The following ATP6V0E1 variants were observed in gnomAD, a reference collection of about 807,000 sequenced individuals.
ATP6V0E1 encodes V-type proton ATPase subunit e 1.
Under a neutral mutation model 11.6 loss-of-function variants are expected in ATP6V0E1, and 4 were observed. The observed-to-expected ratio is 0.35, with a 90% CI of 0.17 to 0.79. ATP6V0E1 has a LOEUF of 0.79. Among genes scored for constraint, ATP6V0E1 ranks in the 30% least tolerant of loss-of-function variants. The pLI is 0.54. For synonymous variants in ATP6V0E1, 36 were observed against 34.8 expected, an observed-to-expected ratio of 1.04 and a Z score of -0.13; for missense variants, 105 against 100.0, an observed-to-expected ratio of 1.05 and a Z score of -0.21.
intron 2 of ATP6V0E1, among the ~76,000 whole-genome samples, chr5:173,007,385 A>G (rs1017073678): frequency 3.2e-4 from 49 of 152,106 alleles, no homozygotes; most frequent in African/African-American, 1.1e-3. Flanking sequence ...CTTGCTGGCT[A>G]TTAGTTGGGA....
chr5:173,013,346 C>A (rs948629513), intron 2 of ATP6V0E1, among the ~76,000 whole-genome samples: 17 of 152,058 alleles, frequency 1.1e-4, no homozygotes, highest in African/African-American at 3.9e-4. Flanking sequence ...GAGGCCGAGG[C>A]GGGTGAATCA....
rs1363050166 is a variant in ATP6V0E1, at chr5:173,035,097, G to C, written c.*735G>C. On this transcript the variant is annotated 3_prime_UTR_variant, in exon 4 of 4. Coordinates refer to ENST00000519374, the MANE Select transcript of ATP6V0E1 (RefSeq NM_003945.4). ...GCCTACTGCAGCCAAGGCACTGGAGGGATCAAAGATGTGTAAATTTGGAGT... is the reference window on the plus strand; with the variant it reads ...GCCTACTGCAGCCAAGGCACTGGAGCGATCAAAGATGTGTAAATTTGGAGT... The C allele has an allele frequency of 6.6e-6, 1 of 152,294 alleles. No homozygotes were observed. Among genetic ancestry groups the C allele is most frequent in the Non-Finnish European group, 1.5e-5 (1 of 68,176 alleles). 9.4% of individuals were successfully genotyped at this position (152,294 alleles called of 1,614,324 possible). A position where few individuals can be genotyped will look rare whatever the true frequency, so the allele number is the denominator to read the frequency against.
intron 2 of ATP6V0E1, among the ~76,000 whole-genome samples, chr5:173,010,508 T>C (rs1420802341): frequency 6.6e-6 from 1 of 152,234 alleles, no homozygotes; most frequent in Non-Finnish European, 1.5e-5. Flanking sequence ...TGGATTCAGT[T>C]CACCGATATT....
chr5:172,999,324 T>A (rs1756118099), intron 2 of ATP6V0E1, among the ~76,000 whole-genome samples: 1 of 149,900 alleles, frequency 6.7e-6, no homozygotes, highest in South Asian at 2.1e-4. Context: ...TATTTCCACT[T>A]TTTTTTTTTT....
chr5:173,014,550 T>G (rs1181224190), intron 2 of ATP6V0E1, among the ~76,000 whole-genome samples: 1 of 152,142 alleles, frequency 6.6e-6, no homozygotes, highest in African/African-American at 2.4e-5. Context: ...AAAAAAAGAA[T>G]GAAATCATGT....
At chr5:173,030,441 G>GTTTTTTT (rs60654421) in intron 3 of ATP6V0E1, among the ~76,000 whole-genome samples, 8 of 127,556 alleles carry the variant, frequency 6.3e-5, no homozygotes, top group Non-Finnish European at 6.7e-5. Flanking sequence ...TCAGTTTTTT[G>GTTTTTTT]TTTTTTTTTT....
At position 173,020,347 on chromosome 5, in the gene ATP6V0E1, C is replaced by T; in HGVS notation, c.*16C>T. On this transcript the variant is annotated 3_prime_UTR_variant, in exon 3 of 4. Transcript: ENST00000519374. ...TTGGCCTTGAGGAAGAAGACATGCT[C>T]TACAGTGCTCAGTCTTTGAGGTGAC... 2 of 1,575,738 alleles carry T rather than the reference C, an allele frequency of 1.3e-6. No homozygotes were observed. Among genetic ancestry groups the T allele is most frequent in the Non-Finnish European group, 1.7e-6 (2 of 1,145,168 alleles).
At chr5:173,017,613 T>C (rs1425494947) in intron 2 of ATP6V0E1, among the ~76,000 whole-genome samples, 2 of 146,534 alleles carry the variant, frequency 1.4e-5, no homozygotes, top group African/African-American at 5.1e-5. Flanking sequence ...GAGGCCAAGG[T>C]GGGCGGATCA....
chr5:173,024,212 A>G (rs2113611401), intron 3 of ATP6V0E1, among the ~76,000 whole-genome samples: 1 of 151,750 alleles, frequency 6.6e-6, no homozygotes, highest in South Asian at 2.1e-4. Context: ...AAAAAAAAAA[A>G]AAAAGAAAGA....
chr5:173,019,587 C>T (rs575366340), intron 2 of ATP6V0E1, among the ~76,000 whole-genome samples: 120 of 151,948 alleles, frequency 7.9e-4, no homozygotes, highest in African/African-American at 2.2e-3. Flanking sequence ...AGATGTGACA[C>T]CATTTTACTT....
At chr5:173,005,477 G>C (rs1756215634) in intron 2 of ATP6V0E1, among the ~76,000 whole-genome samples, 1 of 152,202 alleles carries the variant, frequency 6.6e-6, no homozygotes, top group African/African-American at 2.4e-5. Context: ...GCCTCCCAAA[G>C]TGCTAGCATT....
chr5:173,033,401 GAGGCTGTTCT>G, intron 3 of ATP6V0E1, among the ~76,000 whole-genome samples: 1 of 152,240 alleles, frequency 6.6e-6, no homozygotes, highest in Middle Eastern at 3.4e-3. Flanking sequence ...CTTGTACAAA[GAGGCTGTTCT>G]GCTGGCCTAA....
chr5:173,021,115 A>T (rs959905793), intron 3 of ATP6V0E1, among the ~76,000 whole-genome samples: 3 of 152,058 alleles, frequency 2.0e-5, no homozygotes, highest in African/African-American at 7.2e-5. Flanking sequence ...GTTTTTACTT[A>T]TGGCAGAAAG....
At chr5:173,027,022 CA>C (rs1473365977) in intron 3 of ATP6V0E1, among the ~76,000 whole-genome samples, 6 of 141,234 alleles carry the variant, frequency 4.2e-5, no homozygotes, top group Admixed American at 7.1e-5. Flanking sequence ...TAAAAAAATA[CA>C]AAAAAATTAG....
intron 2 of ATP6V0E1, among the ~76,000 whole-genome samples, chr5:173,003,248 T>TG (rs1756185719): frequency 6.6e-6 from 1 of 151,730 alleles, no homozygotes; most frequent in African/African-American, 2.4e-5. Context: ...AACAAGTGGA[T>TG]GGGGGAAACT....
intron 2 of ATP6V0E1, among the ~76,000 whole-genome samples, chr5:173,016,567 A>G (rs910700566): frequency 6.6e-6 from 1 of 152,178 alleles, no homozygotes; most frequent in Non-Finnish European, 1.5e-5. Context: ...ACAAAAGGAG[A>G]TAGGGGCTAG....
intron 2 of ATP6V0E1, among the ~76,000 whole-genome samples, chr5:173,013,574 C>CAAAAAAAAAA (rs35084966): frequency 1.6e-5 from 1 of 61,638 alleles, no homozygotes. Flanking sequence ...GACTCCATCT[C>CAAAAAAAAAA]AAAAAAAAAA....
intron 3 of ATP6V0E1, among the ~76,000 whole-genome samples, chr5:173,026,077 AC>A (rs1209927799): frequency 1.3e-5 from 2 of 151,832 alleles, no homozygotes; most frequent in African/African-American, 4.8e-5. Flanking sequence ...GCTCACTGCA[AC>A]CTCCGCTTCC....
chr5:173,017,651 G>C (rs1228931011), intron 2 of ATP6V0E1, among the ~76,000 whole-genome samples: 1 of 151,896 alleles, frequency 6.6e-6, no homozygotes, highest in Non-Finnish European at 1.5e-5. Context: ...CACCAGCCTG[G>C]CCAACATAGT....
Sources: gnomAD v4.1 joint callset for allele counts (sites outside exome capture counted in the v4.1 genomes callset) on GRCh38, gnomAD v4.1.1 for gene constraint, MANE v1.5 for transcripts, NCBI Gene and HGNC (gene_info 2026-07-23, HGNC 2026-07-21) for gene names.